The following SORCS1 variants were observed in gnomAD, a reference collection of about 807,000 sequenced individuals.
The protein encoded by SORCS1 is VPS10 domain-containing receptor SorCS1.
Under a neutral mutation model 146.1 loss-of-function variants are expected in SORCS1, and 60 were observed. The observed-to-expected ratio is 0.41, with a 90% confidence interval of 0.33 to 0.51. The LOEUF (loss-of-function observed/expected upper bound fraction) is 0.51, where lower values mean the gene tolerates loss of function less well. Among genes scored for constraint, SORCS1 ranks in the 20% least tolerant of loss-of-function variants. The pLI is 0.21. For synonymous variants in SORCS1, 637 were observed against 584.0 expected (o/e 1.09, Z -1.31); for missense variants, 1,352 against 1,487.6 (o/e 0.91, Z 1.50).
At chr10:106,794,843 T>C (rs1158724867) in intron 3 of SORCS1, among the ~76,000 whole-genome samples, 4 of 152,162 alleles carry the variant, frequency 2.6e-5, no homozygotes, top group Non-Finnish European at 5.9e-5. Flanking sequence ...TCTGTATTCA[T>C]AGACTCCCTA....
chr10:106,612,054 A>G lies in SORCS1; in HGVS notation c.2921-31T>C, dbSNP rs533840500. ...GATATAACAGTAGATGGAGTACTATAAGTCAAATAGTCCTGTCAAGAGGTT... is the reference window on the plus strand; with the variant it reads ...GATATAACAGTAGATGGAGTACTATGAGTCAAATAGTCCTGTCAAGAGGTT... On this transcript the variant is annotated intron_variant, in intron 21 of 25. Coordinates refer to ENST00000263054, the MANE Select transcript of SORCS1 (RefSeq NM_052918.5). The G allele has an allele frequency of 1.9e-3, 2,841 of 1,517,894 alleles. 73 individuals carry two copies. The South Asian group carries it at 0.03, about 16-fold the overall frequency. The allele number at this position is 1,517,894 out of a possible 1,614,324, so 94.0% of individuals were successfully genotyped here.
intron 1 of SORCS1, among the ~76,000 whole-genome samples, chr10:106,982,039 C>T (rs1956264280): frequency 6.6e-6 from 1 of 152,162 alleles, no homozygotes; most frequent in African/African-American, 2.4e-5. Flanking sequence ...ATCAGGCATC[C>T]ATACATTAGC....
At chr10:106,997,742 A>G (rs977925077) in intron 1 of SORCS1, among the ~76,000 whole-genome samples, 3 of 152,174 alleles carry the variant, frequency 2.0e-5, no homozygotes, top group African/African-American at 7.2e-5. Context: ...TTGCAGAAAA[A>G]CAACAACAAC....
In SORCS1 at chr10:106,606,270, GAT is replaced by G. The variant is rs1201417195; in HGVS notation, c.3165+894_3165+895del. The stretch of plus-strand genomic sequence containing the variant: ...AGAGAATCACACAAATACACACACA[GAT>G]ATACACACACACACACACACACACA... On this transcript the variant is annotated intron_variant, in intron 23 of 25. Coordinates refer to ENST00000263054, the MANE Select transcript of SORCS1 (RefSeq NM_052918.5). Among the ~76,000 whole-genome samples, 675 of 105,612 alleles carry G rather than the reference GAT, an allele frequency of 6.4e-3. 4 individuals carry two copies. The highest frequency in any genetic ancestry group is 0.011 in the South Asian group (35 of 3,194). The allele number at this position is 105,612 out of a possible 152,430, so 69.3% of individuals were successfully genotyped here.
chr10:106,682,206 A>AT (rs1852489817), intron 10 of SORCS1, among the ~76,000 whole-genome samples: 1 of 152,052 alleles, frequency 6.6e-6, no homozygotes, highest in Non-Finnish European at 1.5e-5. Context: ...AAAAGATGTC[A>AT]TTTTTCCATT....
At chr10:107,101,034 A>T (rs2134379623) in intron 1 of SORCS1, among the ~76,000 whole-genome samples, 1 of 152,190 alleles carries the variant, frequency 6.6e-6, no homozygotes, top group South Asian at 2.1e-4. Flanking sequence ...AGCTAGGAGT[A>T]TAGGCATGCA....
At position 106,607,317 on chromosome 10, in the gene SORCS1, G is replaced by T; in HGVS notation, c.3034-20C>A. Reference sequence around the variant, plus strand: ...TGTGGCCTGAGGGACAGACACAGGGGCTCACATTAGTGCTGCAGAGAAGAA... The same window carrying T: ...TGTGGCCTGAGGGACAGACACAGGGTCTCACATTAGTGCTGCAGAGAAGAA... On this transcript the variant is annotated intron_variant, in intron 22 of 25. Transcript: ENST00000263054. 5 of 1,613,278 alleles carry T rather than the reference G, an allele frequency of 3.1e-6. No individual in the cohort carries two copies. Among genetic ancestry groups the T allele is most frequent in the Non-Finnish European group, 4.2e-6 (5 of 1,179,762 alleles).
At chr10:106,839,039 C>A (rs1278232676) in intron 2 of SORCS1, among the ~76,000 whole-genome samples, 4 of 152,118 alleles carry the variant, frequency 2.6e-5, no homozygotes, top group Admixed American at 1.3e-4. Context: ...TTCTTTCCTC[C>A]CACCCCTCAG....
chr10:106,633,122 C>T (rs549856851), intron 18 of SORCS1, among the ~76,000 whole-genome samples: 38 of 152,124 alleles, frequency 2.5e-4, no homozygotes, highest in Non-Finnish European at 5.4e-4. Context: ...TGATTTTTAT[C>T]TTTCTCCTAA....
At chr10:106,697,666 C>T (rs1369803588) in intron 9 of SORCS1, among the ~76,000 whole-genome samples, 1 of 152,068 alleles carries the variant, frequency 6.6e-6, no homozygotes, top group African/African-American at 2.4e-5. Context: ...AAGCCCTGTG[C>T]TCCGTGCTTT....
intron 5 of SORCS1, among the ~76,000 whole-genome samples, chr10:106,756,420 T>C (rs1196448431): frequency 1.3e-5 from 2 of 152,144 alleles, no homozygotes; most frequent in African/African-American, 2.4e-5. Flanking sequence ...TTCCCCATGA[T>C]TTTTTTACTT....
intron 2 of SORCS1, among the ~76,000 whole-genome samples, chr10:106,843,617 A>T (rs1589530818): frequency 1.3e-5 from 2 of 151,974 alleles, no homozygotes; most frequent in South Asian, 4.2e-4. Flanking sequence ...TTGTATTTTT[A>T]GTAGAGACGG....
chr10:106,678,235 G>A (rs1216679476), intron 12 of SORCS1, among the ~76,000 whole-genome samples: 1 of 152,142 alleles, frequency 6.6e-6, no homozygotes, highest in African/African-American at 2.4e-5. Context: ...TGCCTTGCTT[G>A]CGGTGTTGGA....
At chr10:107,098,965 T>C (rs1318575374) in intron 1 of SORCS1, among the ~76,000 whole-genome samples, 4 of 152,216 alleles carry the variant, frequency 2.6e-5, no homozygotes, top group Admixed American at 2.6e-4. Flanking sequence ...TAACTCTTCA[T>C]GAACAACCAA....
intron 2 of SORCS1, among the ~76,000 whole-genome samples, chr10:106,844,960 T>G (rs976852312): frequency 2.0e-5 from 3 of 147,544 alleles, no homozygotes; most frequent in Non-Finnish European, 3.0e-5. Context: ...ATTTGCCACA[T>G]TTTCTTAATC....
At chr10:106,618,382 G>T in intron 20 of SORCS1, 110 bp from the exon 21 acceptor site, 2 of 1,375,458 alleles carry the variant, frequency 1.5e-6, no homozygotes, top group Non-Finnish European at 2.0e-6. Flanking sequence ...GGCTCTTCCT[G>T]ATGTACCACA....
the SORCS1 span, among the ~76,000 whole-genome samples, chr10:107,173,885 C>G: frequency 6.6e-6 from 1 of 152,152 alleles, no homozygotes; most frequent in African/African-American, 2.4e-5. Context: ...TTCTATTCTC[C>G]TTAATGCATC....
At position 107,095,190 on chromosome 10, in the gene SORCS1, A is replaced by G. The variant is rs999539655; in HGVS notation, c.558+68779T>C. On this transcript the variant is annotated intron_variant, in intron 1 of 25. Coordinates refer to ENST00000263054, the MANE Select transcript of SORCS1 (RefSeq NM_052918.5). ...GTCACAGCCAGTCTTGGGAAAAAATATAGCACCCACAAGCATTAGGATGGG... is the reference window on the plus strand; with the variant it reads ...GTCACAGCCAGTCTTGGGAAAAAATGTAGCACCCACAAGCATTAGGATGGG... Among the ~76,000 whole-genome samples the G allele has an allele frequency of 2.0e-5, 3 of 152,220 alleles. No homozygotes were observed. The South Asian group carries it at 6.2e-4, about 31-fold the overall frequency.
intron 1 of SORCS1, among the ~76,000 whole-genome samples, chr10:107,091,681 T>C (rs997564553): frequency 6.6e-6 from 1 of 152,184 alleles, no homozygotes; most frequent in Non-Finnish European, 1.5e-5. Flanking sequence ...TTCTGAAATA[T>C]TGCTTACCTG....
Sources: allele counts gnomAD v4.1 joint callset (sites outside exome capture counted in the v4.1 genomes callset), GRCh38; gene constraint gnomAD v4.1.1; transcripts MANE v1.5; gene names NCBI Gene and HGNC (gene_info 2026-07-23, HGNC 2026-07-21).